The following ABLIM1 variants were observed in gnomAD, a reference collection of about 807,000 sequenced individuals.
The protein encoded by ABLIM1 is actin-binding LIM protein 1.
Under a neutral mutation model 107.0 loss-of-function variants are expected in ABLIM1, and 40 were observed. The ratio of observed to expected loss-of-function variants is 0.37; its 90% CI spans 0.29 to 0.49. The LOEUF is 0.49. ABLIM1 is among the 20% of genes least tolerant of loss of function. The pLI is 0.97. For synonymous variants in ABLIM1, 357 were observed against 357.3 expected (o/e 1.00, Z 0.01); for missense variants, 857 against 1,008.5 (o/e 0.85, Z 2.04).
At chr10:114,443,699 AG>A (rs1313390962) in intron 17 of ABLIM1, among the ~76,000 whole-genome samples, 35 of 150,526 alleles carry the variant, frequency 2.3e-4, no homozygotes, top group African/African-American at 6.6e-4. Flanking sequence ...AAAAAGAAGA[AG>A]AAGAAAAGCA....
the ABLIM1 span, among the ~76,000 whole-genome samples, chr10:114,788,345 A>AAAAAAAAT: frequency 9.0e-6 from 1 of 111,064 alleles, no homozygotes; most frequent in African/African-American, 3.6e-5. Flanking sequence ...AAAAAAAAAA[A>AAAAAAAAT]AAATAAATAA....
At chr10:114,709,737 T>C (rs796119931) in intron 1 of ABLIM1, among the ~76,000 whole-genome samples, 1 of 151,952 alleles carries the variant, frequency 6.6e-6, no homozygotes, top group Admixed American at 6.5e-5. Context: ...GAAAATATTA[T>C]ACAGGTACGT....
intron 8 of ABLIM1, among the ~76,000 whole-genome samples, chr10:114,482,370 A>G (rs2057500790): frequency 6.6e-6 from 1 of 152,204 alleles, no homozygotes; most frequent in East Asian, 1.9e-4. Flanking sequence ...TTTCCTCTAC[A>G]ACAAAACCAG....
At chr10:114,509,024 A>G (rs2061502657) in intron 6 of ABLIM1, among the ~76,000 whole-genome samples, 1 of 152,376 alleles carries the variant, frequency 6.6e-6, no homozygotes, top group Non-Finnish European at 1.5e-5. Context: ...CATGTTACAG[A>G]TGAGCAAAGA....
At chr10:114,769,856 A>T (rs1466718673), upstream of ABLIM1, among the ~76,000 whole-genome samples, 1 of 152,236 alleles carries the variant, frequency 6.6e-6, no homozygotes, top group Non-Finnish European at 1.5e-5. Context: ...AAATCAACTC[A>T]TTATTTATCC....
intron 6 of ABLIM1, among the ~76,000 whole-genome samples, chr10:114,509,930 G>A (rs2475232): frequency 0.019 from 2,818 of 152,162 alleles, 96 homozygotes; most frequent in African/African-American, 0.065. Context: ...GCAAAGGGAC[G>A]TCTTACATGG....
chr10:114,672,029 AT>A (rs1591794055), intron 1 of ABLIM1, among the ~76,000 whole-genome samples: 1 of 151,782 alleles, frequency 6.6e-6, no homozygotes. Context: ...CACCCAGCTA[AT>A]TTTGTTTTAT....
At chr10:114,563,237 T>G (rs1486764305) in intron 4 of ABLIM1, among the ~76,000 whole-genome samples, 1 of 152,180 alleles carries the variant, frequency 6.6e-6, no homozygotes, top group Non-Finnish European at 1.5e-5. Context: ...CTTTATCCCT[T>G]TTGTATGTTT....
chr10:114,671,425 T>C (rs571857979), intron 1 of ABLIM1, among the ~76,000 whole-genome samples: 19 of 152,358 alleles, frequency 1.2e-4, no homozygotes, highest in African/African-American at 4.1e-4. Flanking sequence ...TTGGTGGACA[T>C]TCATGCTATA....
At chr10:114,557,340 A>G (rs1321774807) in intron 4 of ABLIM1, among the ~76,000 whole-genome samples, 1 of 152,160 alleles carries the variant, frequency 6.6e-6, no homozygotes, top group African/African-American at 2.4e-5. Context: ...GTCTTTGGAA[A>G]ACAATTACCA....
chr10:114,499,680 G>A (rs2060134440), intron 6 of ABLIM1, among the ~76,000 whole-genome samples: 1 of 152,168 alleles, frequency 6.6e-6, no homozygotes, highest in South Asian at 2.1e-4. Flanking sequence ...GAAAACACTG[G>A]TCTGGGTGGT....
chr10:114,445,570 G>A (rs1193816379), intron 15 of ABLIM1, among the ~76,000 whole-genome samples, 167 bp from the exon 16 acceptor site: 4 of 152,162 alleles, frequency 2.6e-5, no homozygotes, highest in Non-Finnish European at 5.9e-5. Context: ...CACCAACTCA[G>A]CACTACTGGC....
chr10:114,450,475 G>A (rs867049480), intron 14 of ABLIM1, among the ~76,000 whole-genome samples: 6 of 123,022 alleles, frequency 4.9e-5, no homozygotes, highest in African/African-American at 1.6e-4. Flanking sequence ...TCATTCTGTC[G>A]CCCAAGCTGG....
intron 1 of ABLIM1, among the ~76,000 whole-genome samples, chr10:114,742,380 T>G (rs1446933003): frequency 6.6e-6 from 1 of 152,166 alleles, no homozygotes; most frequent in Non-Finnish European, 1.5e-5. Flanking sequence ...CTTTGGATAC[T>G]CCATCTACAA....
At chr10:114,642,009 A>G (rs1659562696) in intron 1 of ABLIM1, among the ~76,000 whole-genome samples, 1 of 152,064 alleles carries the variant, frequency 6.6e-6, no homozygotes, top group Non-Finnish European at 1.5e-5. Context: ...CAGCCTCCCA[A>G]GTAGCTGGGA....
chr10:114,621,957 T>C (rs1466581515), intron 1 of ABLIM1, among the ~76,000 whole-genome samples: 1 of 152,248 alleles, frequency 6.6e-6, no homozygotes, highest in South Asian at 2.1e-4. Context: ...CCAATCCTTC[T>C]TTAGTGCTCA....
chr10:114,567,961 C>A (rs1043175116), intron 4 of ABLIM1, among the ~76,000 whole-genome samples: 1 of 151,740 alleles, frequency 6.6e-6, no homozygotes, highest in South Asian at 2.1e-4. Context: ...GAGGCCGAGG[C>A]GGGTGGATCA....
intron 6 of ABLIM1, among the ~76,000 whole-genome samples, chr10:114,514,434 C>T (rs567838962): frequency 8.5e-5 from 13 of 152,124 alleles, no homozygotes; most frequent in African/African-American, 3.1e-4. Flanking sequence ...AATGCAGTGG[C>T]GTGATCACAG....
At chr10:114,613,108 T>G (rs1471471812) in intron 1 of ABLIM1, among the ~76,000 whole-genome samples, 1 of 152,168 alleles carries the variant, frequency 6.6e-6, no homozygotes, top group East Asian at 1.9e-4. Context: ...ATTAAGTACT[T>G]AAAAACAGCA....
Sources: allele counts gnomAD v4.1 joint callset (sites outside exome capture counted in the v4.1 genomes callset), GRCh38; gene constraint gnomAD v4.1.1; transcripts MANE v1.5; gene names NCBI Gene and HGNC (gene_info 2026-07-23, HGNC 2026-07-21).